The following PTPRD variants were observed in gnomAD, a reference collection of about 807,000 sequenced individuals.
PTPRD encodes protein tyrosine phosphatase receptor type D.
In PTPRD, 34 loss-of-function variants were observed where a neutral mutation model predicts 214.5. The observed-to-expected ratio is 0.16, with a 90% CI of 0.12 to 0.21. The LOEUF is 0.21. PTPRD is among the 10% of genes least tolerant of loss of function. The probability of loss-of-function intolerance (pLI) is 1.00; values close to 1 mark genes in which losing one functional copy is unlikely to be tolerated. For synonymous variants in PTPRD, 1,128 were observed against 845.7 expected, an observed-to-expected ratio of 1.33 and a Z score of -5.79; for missense variants, 2,545 against 2,398.7, an observed-to-expected ratio of 1.06 and a Z score of -1.27.
chr9:9,057,612 T>C (rs2099698777), intron 10 of PTPRD, among the ~76,000 whole-genome samples: 1 of 151,810 alleles, frequency 6.6e-6, no homozygotes, highest in Non-Finnish European at 1.5e-5. Context: ...AGATCTGACA[T>C]GTTACCGTAA....
At chr9:9,295,763 C>A (rs1456787368) in intron 9 of PTPRD, among the ~76,000 whole-genome samples, 1 of 151,712 alleles carries the variant, frequency 6.6e-6, no homozygotes, top group Non-Finnish European at 1.5e-5. Flanking sequence ...TCTTTACAAC[C>A]AGGGTGGGGA....
At chr9:9,347,206 G>T (rs955325133) in intron 9 of PTPRD, among the ~76,000 whole-genome samples, 13 of 151,900 alleles carry the variant, frequency 8.6e-5, no homozygotes, top group African/African-American at 3.1e-4. Context: ...TTGAAAAGAT[G>T]ATTAGATTTT....
intron 39 of PTPRD, among the ~76,000 whole-genome samples, chr9:8,349,727 A>G (rs77198515): frequency 0.011 from 1,746 of 152,258 alleles, 37 homozygotes; most frequent in African/African-American, 0.04. Context: ...TAGTACATTT[A>G]TTATGTTATG....
intron 2 of PTPRD, among the ~76,000 whole-genome samples, chr9:10,590,236 G>C (rs1462856178): frequency 1.3e-5 from 2 of 151,918 alleles, no homozygotes; most frequent in African/African-American, 4.8e-5. Flanking sequence ...CTAATAACAG[G>C]TAGTAGTTGG....
rs77107117 is a variant in PTPRD at position 9,343,885 on chromosome 9, A to G, written c.-203+53564T>C. On this transcript the variant is annotated intron_variant, in intron 9 of 45. Coordinates refer to ENST00000381196, the MANE Select transcript of PTPRD (RefSeq NM_002839.4). ...TCCTGGGTGAAATTCTTTAGGGTCC[A>G]ATACCAATGAGAAGAAACAGGTTAT... Among the ~76,000 whole-genome samples the G allele has an allele frequency of 1.1e-3, 171 of 152,284 alleles. 1 individual carries two copies. The East Asian group carries it at 0.029, about 26-fold the overall frequency.
intron 44 of PTPRD, among the ~76,000 whole-genome samples, chr9:8,322,259 G>A (rs1012518852): frequency 5.9e-5 from 9 of 151,876 alleles, no homozygotes; most frequent in Admixed American, 1.3e-4. Flanking sequence ...AGGGAGAGTC[G>A]CGTGTATCTA....
At chr9:8,374,567 G>A (rs891697122) in intron 39 of PTPRD, among the ~76,000 whole-genome samples, 8 of 151,984 alleles carry the variant, frequency 5.3e-5, no homozygotes, top group East Asian at 3.9e-4. Flanking sequence ...ACTTGAGGCC[G>A]ATTACGCCAT....
intron 11 of PTPRD, among the ~76,000 whole-genome samples, chr9:8,877,537 T>A (rs906976201): frequency 6.6e-6 from 1 of 152,206 alleles, no homozygotes; most frequent in African/African-American, 2.4e-5. Flanking sequence ...GCATATTATC[T>A]TTTTGTTATT....
intron 8 of PTPRD, among the ~76,000 whole-genome samples, chr9:9,423,536 T>C (rs1002366640): frequency 1.3e-5 from 2 of 152,110 alleles, no homozygotes; most frequent in Non-Finnish European, 1.5e-5. Context: ...TCACCAGGCA[T>C]ACAAAAAATG....
At chr9:8,377,801 C>A (rs1257779224) in intron 37 of PTPRD, among the ~76,000 whole-genome samples, 1 of 151,972 alleles carries the variant, frequency 6.6e-6, no homozygotes, top group Admixed American at 6.6e-5. Flanking sequence ...TTGGGTCCAG[C>A]AAATAGAATT....
chr9:9,723,238 C>G (rs948512999), intron 7 of PTPRD, among the ~76,000 whole-genome samples: 6 of 151,966 alleles, frequency 3.9e-5, no homozygotes, highest in Non-Finnish European at 8.8e-5. Flanking sequence ...ATAAGACTAT[C>G]CAGTTGTCTC....
Position 8,651,930 on chromosome 9 carries a change from C to T in PTPRD, c.65-15086G>A, listed in dbSNP as rs118103189. Among the ~76,000 whole-genome samples, 436 of 152,304 alleles carry T rather than the reference C, an allele frequency of 2.9e-3. 14 individuals carry two copies. The East Asian group carries it at 0.071, about 25-fold the overall frequency. On this transcript the variant is annotated intron_variant, in intron 12 of 45. Coordinates refer to ENST00000381196, the MANE Select transcript of PTPRD (RefSeq NM_002839.4). ...TTGGATTACTTTTCAAATATCAAGT[C>T]CCTAATTTGTATCCCCAGGCAGTGC...
intron 12 of PTPRD, among the ~76,000 whole-genome samples, chr9:8,714,580 T>TC (rs2098409868): frequency 2.0e-5 from 3 of 152,208 alleles, no homozygotes; most frequent in Admixed American, 2.0e-4. Context: ...CTCCATTCAT[T>TC]CCCCTTGCTA....
At chr9:8,419,387 C>T (rs1165471327) in intron 35 of PTPRD, among the ~76,000 whole-genome samples, 2 of 152,128 alleles carry the variant, frequency 1.3e-5, no homozygotes, top group East Asian at 1.9e-4. Flanking sequence ...TAGATTCAGT[C>T]TTTACACAGA....
At chr9:10,511,237 A>G (rs2047908993) in intron 2 of PTPRD, among the ~76,000 whole-genome samples, 1 of 152,152 alleles carries the variant, frequency 6.6e-6, no homozygotes, top group Non-Finnish European at 1.5e-5. Flanking sequence ...CTTCATAGGC[A>G]AGTTAATTTG....
chr9:10,353,837 A>C (rs1157500857), intron 2 of PTPRD, among the ~76,000 whole-genome samples: 1 of 152,004 alleles, frequency 6.6e-6, no homozygotes, highest in Non-Finnish European at 1.5e-5. Flanking sequence ...AATTTTTTCC[A>C]TGTTGCTTTG....
intron 8 of PTPRD, among the ~76,000 whole-genome samples, chr9:9,559,334 T>C (rs1324308948): frequency 6.6e-6 from 1 of 152,216 alleles, no homozygotes; most frequent in Non-Finnish European, 1.5e-5. Context: ...ATCCCGCTAT[T>C]ACTAACTGCT....
At chr9:9,002,017 G>A (rs939047400) in intron 11 of PTPRD, among the ~76,000 whole-genome samples, 4 of 150,642 alleles carry the variant, frequency 2.7e-5, no homozygotes, top group African/African-American at 9.8e-5. Context: ...GGGGGTGGGG[G>A]GGTGTTGGGA....
At chr9:8,604,553 T>C (rs1231003853) in intron 14 of PTPRD, among the ~76,000 whole-genome samples, 2 of 152,128 alleles carry the variant, frequency 1.3e-5, no homozygotes, top group Non-Finnish European at 2.9e-5. Flanking sequence ...TTTTCTCCTA[T>C]AGCCACTGGG....
Sources: allele counts gnomAD v4.1 joint callset (sites outside exome capture counted in the v4.1 genomes callset), GRCh38; gene constraint gnomAD v4.1.1; transcripts MANE v1.5; gene names NCBI Gene and HGNC (gene_info 2026-07-23, HGNC 2026-07-21).